Variants in MEI4 observed in about 807,000 individuals in gnomAD.
The protein encoded by MEI4 is meiosis-specific protein MEI4.
In MEI4, 27 loss-of-function variants were observed where a neutral mutation model predicts 31.4. That is an observed-to-expected ratio of 0.86 (90% CI 0.63 to 1.19). The LOEUF (loss-of-function observed/expected upper bound fraction) is 1.19. MEI4 is among the 50% of genes most tolerant of loss of function. The pLI is 0.00. For missense variants in MEI4, 329 were observed against 398.9 expected (o/e 0.82, Z 1.49); for synonymous variants, 122 against 145.4 (o/e 0.84, Z 1.16).
chr6:77,795,663 A>T (rs930504407), intron 3 of MEI4, among the ~76,000 whole-genome samples: 1 of 152,164 alleles, frequency 6.6e-6, no homozygotes, highest in African/African-American at 2.4e-5. Context: ...TGGATAACCT[A>T]GAAGAAATTG....
chr6:77,672,613 C>T (rs182148411), intron 1 of MEI4, among the ~76,000 whole-genome samples: 1 of 152,334 alleles, frequency 6.6e-6, no homozygotes, highest in East Asian at 1.9e-4. Context: ...AGTCTCCACT[C>T]ATTGCAAGCT....
intron 4 of MEI4, among the ~76,000 whole-genome samples, chr6:77,910,492 T>G (rs1581972378): frequency 6.6e-6 from 1 of 152,096 alleles, no homozygotes; most frequent in Non-Finnish European, 1.5e-5. Flanking sequence ...GAATCCAACT[T>G]ACAAGGGACG....
Position 77,814,705 on chromosome 6 carries a change from A to G in MEI4, c.769-14226A>G, listed in dbSNP as rs539075682. 7.4e-4 allele frequency among the ~76,000 whole-genome samples: 113 copies of G among 152,218 alleles called. 1 individual carries two copies. The Middle Eastern group carries it at 0.027, about 37-fold the overall frequency. On this transcript the variant is annotated intron_variant, in intron 3 of 4. Transcript: ENST00000684080. ...AATTTACTGAGAACAAGAATAATAC[A>G]TAATTGAATGTTCCCCCTACCTGCT... is the stretch of plus-strand genomic sequence containing the variant.
At chr6:77,868,527 A>ATG (rs1771115063) in intron 4 of MEI4, among the ~76,000 whole-genome samples, 1 of 141,048 alleles carries the variant, frequency 7.1e-6, no homozygotes, top group Non-Finnish European at 1.5e-5. Context: ...ATATATATAT[A>ATG]TGCAGATTTC....
At chr6:77,705,688 C>T (rs745650098) in intron 2 of MEI4, among the ~76,000 whole-genome samples, 13 of 152,054 alleles carry the variant, frequency 8.5e-5, no homozygotes, top group Non-Finnish European at 1.3e-4. Context: ...TGGGTGGTAG[C>T]GCCCACCCAT....
chr6:77,658,928 T>G (rs1458232522), intron 1 of MEI4, among the ~76,000 whole-genome samples: 1 of 151,972 alleles, frequency 6.6e-6, no homozygotes, highest in East Asian at 1.9e-4. Flanking sequence ...CCAGATTGAT[T>G]TAGGTAAAAA....
At chr6:77,752,943 C>T (rs1023819514) in intron 2 of MEI4, among the ~76,000 whole-genome samples, 10 of 152,160 alleles carry the variant, frequency 6.6e-5, no homozygotes, top group East Asian at 3.9e-4. Context: ...TCAGAAATAA[C>T]GCCACGCATC....
intron 3 of MEI4, among the ~76,000 whole-genome samples, chr6:77,803,960 C>T (rs1272389965): frequency 5.3e-5 from 8 of 152,164 alleles, no homozygotes; most frequent in Admixed American, 3.9e-4. Flanking sequence ...TCTCAGATCT[C>T]CAGTTGCGTG....
intron 4 of MEI4, among the ~76,000 whole-genome samples, chr6:77,907,747 T>A (rs947413324): frequency 2.6e-5 from 4 of 152,172 alleles, no homozygotes; most frequent in Non-Finnish European, 4.4e-5. Flanking sequence ...ATGGTTGAAC[T>A]ACTTTACAGT....
intron 3 of MEI4, among the ~76,000 whole-genome samples, chr6:77,797,621 C>T (rs1410080857): frequency 1.3e-5 from 2 of 152,036 alleles, no homozygotes; most frequent in Admixed American, 1.3e-4. Flanking sequence ...TCCAGGAGTC[C>T]AAAGGTTGAA....
At chr6:77,846,501 G>T (rs778406687) in intron 4 of MEI4, among the ~76,000 whole-genome samples, 45 of 151,978 alleles carry the variant, frequency 3.0e-4, no homozygotes, top group Non-Finnish European at 5.4e-4. Flanking sequence ...ATTATTCCTT[G>T]TATCATTTAC....
chr6:77,786,284 T>A (rs956178997), intron 3 of MEI4, among the ~76,000 whole-genome samples: 2 of 152,152 alleles, frequency 1.3e-5, no homozygotes, highest in African/African-American at 4.8e-5. Flanking sequence ...ATTTTATGCA[T>A]GATTTCTTAA....
chr6:77,835,496 G>C (rs1388202636), intron 4 of MEI4, among the ~76,000 whole-genome samples: 4 of 150,122 alleles, frequency 2.7e-5, no homozygotes, highest in African/African-American at 9.7e-5. Flanking sequence ...TAACATGAAT[G>C]ATACTCAATC....
At chr6:77,846,786 A>G (rs1770497701) in intron 4 of MEI4, among the ~76,000 whole-genome samples, 1 of 152,190 alleles carries the variant, frequency 6.6e-6, no homozygotes, top group Non-Finnish European at 1.5e-5. Flanking sequence ...TGATTAATTT[A>G]TGGGATACAG....
chr6:77,875,866 T>G (rs1284867404), intron 4 of MEI4, among the ~76,000 whole-genome samples: 1 of 152,160 alleles, frequency 6.6e-6, no homozygotes, highest in Non-Finnish European at 1.5e-5. Context: ...AATGATACTC[T>G]TCACGGGATT....
rs9448151 is a variant in MEI4 at position 77,693,058 on chromosome 6, T to C, written c.232+2155T>C. Reference sequence around the variant, plus strand: ...TTAAGAGCGTGCAGCAGGTGTAAGGTGCACATATATGCTGTGGGTAATAGG... The same window carrying C: ...TTAAGAGCGTGCAGCAGGTGTAAGGCGCACATATATGCTGTGGGTAATAGG... On this transcript the variant is annotated intron_variant, in intron 2 of 4. Coordinates refer to ENST00000684080, the MANE Select transcript of MEI4 (RefSeq NM_001322247.2). 6.9e-3 allele frequency among the ~76,000 whole-genome samples: 1,057 copies of C among 152,124 alleles called. 13 individuals carry two copies. The highest frequency in any genetic ancestry group is 0.024 in the African/African-American group (997 of 41,524).
chr6:77,655,302 T>C (rs1768373153), intron 1 of MEI4, among the ~76,000 whole-genome samples: 1 of 152,214 alleles, frequency 6.6e-6, no homozygotes, highest in Non-Finnish European at 1.5e-5. Flanking sequence ...ATCCAGTTTA[T>C]CATTGATGGG....
At chr6:77,654,115 A>C (rs553600042) in intron 1 of MEI4, among the ~76,000 whole-genome samples, 1 of 152,306 alleles carries the variant, frequency 6.6e-6, no homozygotes, top group East Asian at 1.9e-4. Flanking sequence ...GTTTCAATGA[A>C]ATGTGGTTTA....
At chr6:77,802,538 G>A (rs1167819410) in intron 3 of MEI4, among the ~76,000 whole-genome samples, 2 of 152,046 alleles carry the variant, frequency 1.3e-5, no homozygotes, top group African/African-American at 2.4e-5. Flanking sequence ...TATTTTGCTC[G>A]TTAGTTGATG....
Sources: gnomAD v4.1 joint callset for allele counts (sites outside exome capture counted in the v4.1 genomes callset) on GRCh38, gnomAD v4.1.1 for gene constraint, MANE v1.5 for transcripts, NCBI Gene and HGNC (gene_info 2026-07-23, HGNC 2026-07-21) for gene names.